Variants in UIMC1 observed in about 807,000 individuals in gnomAD.
UIMC1 encodes ubiquitin interaction motif containing 1.
UIMC1 carries 42 observed loss-of-function variants against 84.9 expected under a neutral mutation model. That is an observed-to-expected ratio of 0.49 (90% confidence interval 0.39 to 0.64). The LOEUF (loss-of-function observed/expected upper bound fraction) is 0.64. UIMC1 is among the 30% of genes least tolerant of loss of function. The pLI is 0.00. For synonymous variants in UIMC1, 281 were observed against 293.0 expected (o/e 0.96, Z 0.42); for missense variants, 825 against 847.6 (o/e 0.97, Z 0.33).
Position 176,956,038 on chromosome 5 carries a change from G to GA in UIMC1, c.1263-4dup. Reference sequence around the variant, plus strand: ...TCTTACTGGTCAAAGCAGCAACACTGAAAGAGAACCAAATCCCAAATGAAT... The same window carrying GA: ...TCTTACTGGTCAAAGCAGCAACACTGAAAAGAGAACCAAATCCCAAATGAAT... On this transcript the variant is annotated splice_polypyrimidine_tract_variant and splice_region_variant and intron_variant, in intron 7 of 14. Transcript: ENST00000511320. 1 of 1,612,506 alleles carries GA rather than the reference G, an allele frequency of 6.2e-7. No individual in the cohort carries two copies. The highest frequency in any genetic ancestry group is 8.5e-7 in the Non-Finnish European group (1 of 1,179,322).
chr5:176,941,160 A>C (rs1330167245), intron 10 of UIMC1, among the ~76,000 whole-genome samples: 1 of 152,220 alleles, frequency 6.6e-6, no homozygotes, highest in Non-Finnish European at 1.5e-5. Context: ...CAGGTTACCA[A>C]ATATTATGTA....
At chr5:176,975,901 C>G (rs914173318) in intron 2 of UIMC1, among the ~76,000 whole-genome samples, 1 of 152,008 alleles carries the variant, frequency 6.6e-6, no homozygotes, top group Admixed American at 6.6e-5. Flanking sequence ...ATGAAAAATC[C>G]TATAGAAGCA....
chr5:177,003,299 T>C (rs1256364555), intron 1 of UIMC1, among the ~76,000 whole-genome samples: 2 of 152,126 alleles, frequency 1.3e-5, no homozygotes, highest in Non-Finnish European at 2.9e-5. Context: ...AATTCAAACA[T>C]ACTTTGAGTA....
At chr5:176,998,473 A>AAAAAG (rs1773965268) in intron 1 of UIMC1, among the ~76,000 whole-genome samples, 1 of 150,022 alleles carries the variant, frequency 6.7e-6, no homozygotes, top group South Asian at 2.1e-4. Flanking sequence ...TCTCAAAAAA[A>AAAAAG]AAAAAAAAAA....
intron 1 of UIMC1, among the ~76,000 whole-genome samples, chr5:177,016,509 G>A (rs1775672958): frequency 6.6e-6 from 1 of 151,010 alleles, no homozygotes; most frequent in Admixed American, 6.6e-5. Flanking sequence ...GGCCAACATG[G>A]TGAAACGCCC....
intron 9 of UIMC1, among the ~76,000 whole-genome samples, chr5:176,943,858 A>G (rs1192651669): frequency 6.6e-6 from 1 of 152,200 alleles, no homozygotes; most frequent in Non-Finnish European, 1.5e-5. Flanking sequence ...TACTTGTGTA[A>G]AACAGTAAAG....
chr5:177,008,984 C>A (rs1372910796), upstream of UIMC1, among the ~76,000 whole-genome samples: 1 of 151,754 alleles, frequency 6.6e-6, no homozygotes, highest in Non-Finnish European at 1.5e-5. Context: ...CAACTCGTGA[C>A]CTATGAAAAC....
upstream of UIMC1, among the ~76,000 whole-genome samples, chr5:177,007,340 CAAAAAAAAA>C (rs56871601): frequency 1.7e-5 from 1 of 58,416 alleles, no homozygotes; most frequent in Non-Finnish European, 3.9e-5. Context: ...GACTCCGTCT[CAAAAAAAAA>C]AAAAAAAAAA....
intron 1 of UIMC1, among the ~76,000 whole-genome samples, chr5:177,017,435 TG>T (rs1775696305): frequency 6.6e-6 from 1 of 152,184 alleles, no homozygotes; most frequent in African/African-American, 2.4e-5. Context: ...TTGCCCAGGC[TG>T]GAGTACAGTG....
At chr5:176,923,900 G>GACACAC (rs35583665) in intron 10 of UIMC1, among the ~76,000 whole-genome samples, 14 of 145,584 alleles carry the variant, frequency 9.6e-5, no homozygotes, top group Non-Finnish European at 1.7e-4. Flanking sequence ...CACACACACA[G>GACACAC]ACACACACAC....
intron 1 of UIMC1, among the ~76,000 whole-genome samples, chr5:176,989,998 G>A (rs1772578279): frequency 6.6e-6 from 1 of 152,104 alleles, no homozygotes; most frequent in South Asian, 2.1e-4. Context: ...GGCTAACATG[G>A]TGAAACCCCG....
At chr5:177,014,525 TG>T (rs1214082658) in intron 1 of UIMC1, among the ~76,000 whole-genome samples, 1 of 151,810 alleles carries the variant, frequency 6.6e-6, no homozygotes, top group Non-Finnish European at 1.5e-5. Context: ...AAACTTGGGG[TG>T]GAAGTTGAAT....
At chr5:176,918,019 T>A (rs567393091) in intron 10 of UIMC1, among the ~76,000 whole-genome samples, 1 of 152,366 alleles carries the variant, frequency 6.6e-6, no homozygotes, top group East Asian at 1.9e-4. Context: ...AAATGCTCAA[T>A]AGCCATATGT....
At chr5:176,926,680 G>A (rs754511799) in intron 10 of UIMC1, among the ~76,000 whole-genome samples, 8 of 152,000 alleles carry the variant, frequency 5.3e-5, no homozygotes, top group Non-Finnish European at 1.2e-4. Context: ...ACTAATTAAA[G>A]TATTTAGAGG....
chr5:176,984,737 T>C (rs954353779), intron 1 of UIMC1, among the ~76,000 whole-genome samples: 33 of 152,204 alleles, frequency 2.2e-4, no homozygotes, highest in Non-Finnish European at 4.4e-4. Flanking sequence ...CTCCATTTTG[T>C]TCTGTACTAA....
In UIMC1 at chr5:176,934,441, A is replaced by G. The variant is rs547474490; in HGVS notation, c.1597+8894T>C. 3.3e-5 allele frequency among the ~76,000 whole-genome samples: 5 copies of G among 152,298 alleles called. No homozygotes were observed. In the East Asian group the frequency reaches 9.6e-4, roughly 29 times the overall value. ...CTTCCTGCCTCAAACATACATGAGA[A>G]GCCTAGAGATGCAACGGGTATCTTG... is the stretch of plus-strand genomic sequence containing the variant. On this transcript the variant is annotated intron_variant, in intron 10 of 14. Coordinates refer to ENST00000511320, the MANE Select transcript of UIMC1 (RefSeq NM_001199298.2).
intron 6 of UIMC1, among the ~76,000 whole-genome samples, chr5:176,965,546 T>A (rs1159928303): frequency 6.6e-6 from 1 of 152,164 alleles, no homozygotes; most frequent in Non-Finnish European, 1.5e-5. Context: ...GGTCTCAAAC[T>A]CCCAGGCTCA....
chr5:176,992,687 T>C (rs1175540706), intron 1 of UIMC1, among the ~76,000 whole-genome samples: 1 of 151,928 alleles, frequency 6.6e-6, no homozygotes, highest in Non-Finnish European at 1.5e-5. Flanking sequence ...ACACCTGTAG[T>C]TCCAGCTACT....
chr5:176,955,755 G>A (rs1766515921), intron 8 of UIMC1, among the ~76,000 whole-genome samples: 1 of 152,068 alleles, frequency 6.6e-6, no homozygotes, highest in African/African-American at 2.4e-5. Context: ...TACCCCTAAG[G>A]AGAGAAAAGA....
Sources: allele counts gnomAD v4.1 joint callset (sites outside exome capture counted in the v4.1 genomes callset), GRCh38; gene constraint gnomAD v4.1.1; transcripts MANE v1.5; gene names NCBI Gene and HGNC (gene_info 2026-07-23, HGNC 2026-07-21).